The following ZC3H12B variants were observed in gnomAD, a reference collection of about 807,000 sequenced individuals.
ZC3H12B encodes the protein zinc finger CCCH-type containing 12B, also known as probable ribonuclease ZC3H12B.
In ZC3H12B, 7 loss-of-function variants were observed where a neutral mutation model predicts 43.9. That is an observed-to-expected ratio of 0.16 (90% CI 0.09 to 0.30). ZC3H12B has a LOEUF of 0.30. Ranked by LOEUF, ZC3H12B falls within the 10% of genes least tolerant of loss-of-function variation. ZC3H12B has a pLI of 1.00. For synonymous variants in ZC3H12B, 222 were observed against 241.7 expected (o/e 0.92, Z 0.76); for missense variants, 475 against 670.2 (o/e 0.71, Z 3.22).
chrX:65,100,565 G>GAAAAAAA, the ZC3H12B span, among the ~76,000 whole-genome samples: 1 of 1,035 alleles, frequency 9.7e-4, no homozygotes, highest in Non-Finnish European at 1.5e-3. Flanking sequence ...CAAAGATAAA[G>GAAAAAAA]CAAAAAAAAA....
At chrX:65,048,783 C>G in the ZC3H12B span, among the ~76,000 whole-genome samples, 1 of 110,819 alleles carries the variant, frequency 9.0e-6, no homozygotes, top group Non-Finnish European at 1.9e-5. Context: ...CTACTATTAC[C>G]TATAGATATC....
chrX:65,164,361 A>G, the ZC3H12B span, among the ~76,000 whole-genome samples: 35 of 111,380 alleles, frequency 3.1e-4, no homozygotes, highest in Admixed American at 7.7e-4. Flanking sequence ...GATCCATCAG[A>G]ATGCAAGATC....
intron 3 of ZC3H12B, among the ~76,000 whole-genome samples, chrX:65,444,167 G>A (rs759776244): frequency 8.9e-6 from 1 of 111,871 alleles, no homozygotes; most frequent in Non-Finnish European, 1.9e-5. Flanking sequence ...TTGTGTATTT[G>A]TTGTCGGTTT....
the ZC3H12B span, among the ~76,000 whole-genome samples, chrX:65,079,714 GTACTTTCAAA>G: frequency 2.7e-5 from 3 of 111,978 alleles, no homozygotes; most frequent in Non-Finnish European, 5.6e-5. Context: ...CAACACATAA[GTACTTTCAAA>G]TACCTGGAAA....
At chrX:65,204,732 C>A in the ZC3H12B span, among the ~76,000 whole-genome samples, 1 of 112,064 alleles carries the variant, frequency 8.9e-6, no homozygotes, top group African/African-American at 3.2e-5. Context: ...ACTGAACATG[C>A]ATCATCAATG....
chrX:65,189,183 A>G, the ZC3H12B span, among the ~76,000 whole-genome samples: 1 of 104,630 alleles, frequency 9.6e-6, no homozygotes, highest in East Asian at 3.0e-4. Flanking sequence ...CATTTTCTTA[A>G]TCCAGTCTAT....
the ZC3H12B span, among the ~76,000 whole-genome samples, chrX:65,120,655 G>A: frequency 9.0e-6 from 1 of 111,064 alleles, no homozygotes; most frequent in African/African-American, 3.3e-5. Flanking sequence ...TCCCCTGCCT[G>A]ATTGTCCTGG....
chrX:65,328,106 G>A, the ZC3H12B span: 4 of 246,092 alleles, frequency 1.6e-5, no homozygotes, highest in Non-Finnish European at 3.3e-5. Flanking sequence ...CAGTAATAAA[G>A]CAAGGCTTTT....
chrX:65,250,407 G>T, the ZC3H12B span, among the ~76,000 whole-genome samples: 3 of 111,729 alleles, frequency 2.7e-5, no homozygotes, highest in African/African-American at 9.8e-5. Flanking sequence ...ACATGTGCAT[G>T]GGTCTTTATA....
chrX:65,103,354 T>C, the ZC3H12B span, among the ~76,000 whole-genome samples: 9 of 112,150 alleles, frequency 8.0e-5, no homozygotes, highest in African/African-American at 2.6e-4. Context: ...TCAGACCTGA[T>C]GGTCAGCTCC....
At chrX:65,035,699 GT>G in the ZC3H12B span, among the ~76,000 whole-genome samples, 1 of 111,189 alleles carries the variant, frequency 9.0e-6, no homozygotes, top group Non-Finnish European at 1.9e-5. Flanking sequence ...ATGCCTCAAG[GT>G]TTGAACACAT....
intron 3 of ZC3H12B, among the ~76,000 whole-genome samples, chrX:65,406,329 G>A (rs1362657918): frequency 9.3e-6 from 1 of 107,262 alleles, no homozygotes; most frequent in African/African-American, 3.4e-5. Context: ...TGGGATGCAA[G>A]GATGGTCCAA....
At chrX:65,195,630 A>G in the ZC3H12B span, among the ~76,000 whole-genome samples, 1 of 112,636 alleles carries the variant, frequency 8.9e-6, no homozygotes, top group Non-Finnish European at 1.9e-5. Context: ...AGTAATAGTC[A>G]AAAGCTCTCT....
chrX:65,232,079 C>CA, the ZC3H12B span, among the ~76,000 whole-genome samples: 118 of 98,221 alleles, frequency 1.2e-3, no homozygotes, highest in South Asian at 0.012. Context: ...ACTAACAATA[C>CA]AAAAAAAAAA....
chrX:65,178,736 G>T, the ZC3H12B span, among the ~76,000 whole-genome samples: 41 of 112,270 alleles, frequency 3.7e-4, no homozygotes, highest in Middle Eastern at 4.6e-3. Flanking sequence ...AGTTAGAATG[G>T]TGATCATTAA....
chrX:65,228,056 T>C, the ZC3H12B span, among the ~76,000 whole-genome samples: 1 of 111,598 alleles, frequency 9.0e-6, no homozygotes, highest in Non-Finnish European at 1.9e-5. Flanking sequence ...ATCTTGATAC[T>C]AAAGCCTGGC....
chrX:65,234,511 G>A, the ZC3H12B span, among the ~76,000 whole-genome samples: 2 of 112,056 alleles, frequency 1.8e-5, no homozygotes, highest in Admixed American at 1.9e-4. Flanking sequence ...CCTAGCCACA[G>A]CAGTTAGGCA....
the ZC3H12B span, among the ~76,000 whole-genome samples, chrX:65,293,262 G>A: frequency 9.1e-6 from 1 of 110,293 alleles, no homozygotes; most frequent in African/African-American, 3.3e-5. Flanking sequence ...CAATCACTGT[G>A]GTTCAGTTCT....
intron 1 of ZC3H12B, among the ~76,000 whole-genome samples, chrX:65,495,225 T>C (rs2068261943): frequency 8.9e-6 from 1 of 112,537 alleles, no homozygotes; most frequent in African/African-American, 3.2e-5. Context: ...AGTAGTATAA[T>C]TGTTTTGTGG....
Sources: allele counts gnomAD v4.1 joint callset (sites outside exome capture counted in the v4.1 genomes callset), GRCh38; gene constraint gnomAD v4.1.1; transcripts MANE v1.5; gene names NCBI Gene and HGNC (gene_info 2026-07-23, HGNC 2026-07-21).